SLC16A7: variants seen among roughly 807,000 people sequenced by gnomAD.
SLC16A7 encodes monocarboxylate transporter 2.
A neutral mutation model predicts 34.9 loss-of-function variants in SLC16A7; 33 were observed. That is an observed-to-expected ratio of 0.94 (90% confidence interval 0.72 to 1.26). The LOEUF (loss-of-function observed/expected upper bound fraction) is 1.26, where lower values mean the gene tolerates loss of function less well. Among genes scored for constraint, SLC16A7 ranks in the 50% most tolerant of loss-of-function variants. The pLI, the probability that SLC16A7 is intolerant of heterozygous loss-of-function variation, is 0.00. For synonymous variants in SLC16A7, 201 were observed against 206.6 expected (o/e 0.97, Z 0.23); for missense variants, 573 against 578.1 (o/e 0.99, Z 0.09).
chr12:59,610,726 C>T (rs1879155366), intron 1 of SLC16A7, among the ~76,000 whole-genome samples: 1 of 152,170 alleles, frequency 6.6e-6, no homozygotes, highest in African/African-American at 2.4e-5. Context: ...AAAGATAGTG[C>T]TGTAATGATG....
Position 59,596,732 on chromosome 12 carries a change from G to GGTGA in SLC16A7, c.-130+497_-130+498insTGAG, listed in dbSNP as rs138525198. Among the ~76,000 whole-genome samples the GGTGA allele has an allele frequency of 7.2e-3, 1,091 of 152,296 alleles. 22 individuals are homozygous for GGTGA. The highest frequency in any genetic ancestry group is 0.022 in the African/African-American group (929 of 41,562). ...TGCCGCAGAAGGTGGAGGCGGGGGT[G>GGTGA]GAGTGTGTGGAGAGAACGTCTTCTC... On this transcript the variant is annotated intron_variant, in intron 1 of 5. Transcript: ENST00000547379. This position sits in a 1 kb window ranked among gnomAD's most constrained non-coding sequence, Gnocchi z 5.0.
chr12:59,748,253 A>G (rs1592631631), intron 3 of SLC16A7, among the ~76,000 whole-genome samples: 1 of 152,150 alleles, frequency 6.6e-6, no homozygotes, highest in Non-Finnish European at 1.5e-5. Flanking sequence ...ATGCACAGGA[A>G]CCCTTACAGA....
chr12:59,723,845 C>T (rs1022049603), intron 3 of SLC16A7, among the ~76,000 whole-genome samples: 18 of 151,754 alleles, frequency 1.2e-4, no homozygotes, highest in African/African-American at 4.4e-4. Context: ...CTGTTGTTCC[C>T]GTTTATATTG....
chr12:59,665,401 T>C (rs948518501), intron 2 of SLC16A7, among the ~76,000 whole-genome samples: 4 of 152,056 alleles, frequency 2.6e-5, no homozygotes, highest in African/African-American at 7.2e-5. Context: ...TTTCCTATTC[T>C]AAATCATTAT....
rs114262035 is a variant in SLC16A7 at position 59,673,093 on chromosome 12, G to A, written c.-31+17843G>A. Among the ~76,000 whole-genome samples, 1,026 of 152,098 alleles carry A rather than the reference G, an allele frequency of 6.7e-3. 15 individuals are homozygous for A. The highest frequency in any genetic ancestry group is 0.021 in the African/African-American group (858 of 41,486). On this transcript the variant is annotated intron_variant, in intron 2 of 5. Transcript: ENST00000547379. The stretch of plus-strand genomic sequence containing the variant: ...TATAGGTTAATGTCTCATTTCCATC[G>A]CCTCTATAATAAAGTAACTTACAAG...
chr12:59,680,621 T>C (rs1434376845), intron 2 of SLC16A7, among the ~76,000 whole-genome samples: 1 of 152,190 alleles, frequency 6.6e-6, no homozygotes, highest in Admixed American at 6.5e-5. Context: ...TTTCTTTATA[T>C]AGAATGCAAT....
intron 5 of SLC16A7, among the ~76,000 whole-genome samples, chr12:59,775,720 C>T (rs1882694971): frequency 6.6e-6 from 1 of 152,064 alleles, no homozygotes; most frequent in Non-Finnish European, 1.5e-5. Context: ...TAATTAGTAA[C>T]ATAATCTTCA....
intron 1 of SLC16A7, among the ~76,000 whole-genome samples, chr12:59,646,959 G>A (rs574056430): frequency 3.3e-5 from 5 of 152,234 alleles, no homozygotes; most frequent in Admixed American, 3.3e-4. Context: ...CATTTGGAAT[G>A]GGTGTATATA....
intron 3 of SLC16A7, among the ~76,000 whole-genome samples, chr12:59,715,443 A>G (rs771948837): frequency 1.3e-5 from 2 of 152,238 alleles, no homozygotes; most frequent in Non-Finnish European, 2.9e-5. Context: ...TAGGAACACC[A>G]AACAGCACTT....
In SLC16A7 at chr12:59,781,316, C is replaced by T. The variant is rs1187197290; in HGVS notation, c.*1637C>T. 6.6e-6 allele frequency: 1 copy of T among 152,460 alleles called. No homozygotes were observed. The highest frequency in any genetic ancestry group is 1.5e-5 in the Non-Finnish European group (1 of 68,010). The allele number at this position is 152,460 out of a possible 1,614,324, so 9.4% of individuals were successfully genotyped here. A position where few individuals can be genotyped will look rare whatever the true frequency, so the allele number is the denominator to read the frequency against. On this transcript the variant is annotated 3_prime_UTR_variant, in exon 6 of 6. Coordinates refer to ENST00000547379, the MANE Select transcript of SLC16A7 (RefSeq NM_001270623.2). Reference sequence around the variant, plus strand: ...AATTTAAAAAGTATTTAGTGCTTGACAAAGTAGTGTCACTCTTAAGATGTC... The same window carrying T: ...AATTTAAAAAGTATTTAGTGCTTGATAAAGTAGTGTCACTCTTAAGATGTC...
chr12:59,686,234 G>A (rs2137083497), intron 2 of SLC16A7, among the ~76,000 whole-genome samples: 1 of 151,638 alleles, frequency 6.6e-6, no homozygotes, highest in South Asian at 2.1e-4. Context: ...TTAGAGCAGG[G>A]AAGAAATTTG....
chr12:59,727,373 G>T (rs570338541), intron 3 of SLC16A7, among the ~76,000 whole-genome samples: 1 of 151,956 alleles, frequency 6.6e-6, no homozygotes, highest in African/African-American at 2.4e-5. Context: ...CAAATTACTA[G>T]AAAATTATTT....
chr12:59,782,209 A>G lies in SLC16A7; in HGVS notation c.*2530A>G, dbSNP rs1406872952. The stretch of plus-strand genomic sequence containing the variant: ...CGTTAACTGCTATGCATAAATATTG[A>G]CAGTTAAACCAGAACACAATTGAAA... On this transcript the variant is annotated 3_prime_UTR_variant, in exon 6 of 6. Transcript: ENST00000547379. 6.6e-6 allele frequency: 1 copy of G among 152,210 alleles called. No individual in the cohort carries two copies. Among genetic ancestry groups the G allele is most frequent in the Non-Finnish European group, 1.5e-5 (1 of 68,030 alleles). The allele number at this position is 152,210 out of a possible 1,614,324, so 9.4% of individuals were successfully genotyped here.
chr12:59,767,066 G>C (rs1166937281), intron 3 of SLC16A7, among the ~76,000 whole-genome samples: 1 of 151,900 alleles, frequency 6.6e-6, no homozygotes, highest in Non-Finnish European at 1.5e-5. Flanking sequence ...TTGCGAGGGT[G>C]TATGTGTTGC....
At position 59,704,833 on chromosome 12, in the gene SLC16A7, A is replaced by G. The variant is rs759430629; in HGVS notation, c.32A>G (p.His11Arg). 2 of 1,613,758 alleles carry G rather than the reference A, an allele frequency of 1.2e-6. No homozygotes were observed. Among genetic ancestry groups the G allele is most frequent in the Non-Finnish European group, 1.7e-6 (2 of 1,179,768 alleles). The stretch of plus-strand genomic sequence containing the variant: ...CCAATGCCAAGTGCCCCACCTGTGC[A>G]TCCACCTCCAGATGGAGGATGGGGT... MPPMPSAPPVHPPPDGGWGWI... is the reference protein window; with the variant it reads MPPMPSAPPVRPPPDGGWGWI... The change falls in exon 3 of 6, where the codon CAT (histidine) becomes CGT (arginine). Residue 11 changes from histidine (H) to arginine (R), a missense_variant. Physicochemically the swap from His to Arg is conservative, Grantham distance 29. Transcript: ENST00000547379.
intron 2 of SLC16A7, among the ~76,000 whole-genome samples, chr12:59,677,833 G>T (rs1488454962): frequency 1.3e-5 from 2 of 152,212 alleles, no homozygotes; most frequent in Non-Finnish European, 2.9e-5. Flanking sequence ...AGGTCATGGT[G>T]CCATGGTGTC....
intron 1 of SLC16A7, among the ~76,000 whole-genome samples, chr12:59,653,368 T>C (rs1383319914): frequency 6.6e-6 from 1 of 151,662 alleles, no homozygotes; most frequent in African/African-American, 2.4e-5. Flanking sequence ...TTTTTAGGTA[T>C]GAGGTAAGAA....
In SLC16A7 at chr12:59,707,060, G is replaced by A. The variant is rs190898821; in HGVS notation, c.217+2042G>A. Among the ~76,000 whole-genome samples, 18 of 152,206 alleles carry A rather than the reference G, an allele frequency of 1.2e-4. 1 individual carries two copies. Among genetic ancestry groups the A allele is most frequent in the Admixed American group, 1.2e-3 (18 of 15,270 alleles). ...TCCATCACCCAAGGCTTTGTATGTT[G>A]TTCCCTAAATCTGCTCCATCTGTTG... On this transcript the variant is annotated intron_variant, in intron 3 of 5. Coordinates refer to ENST00000547379, the MANE Select transcript of SLC16A7 (RefSeq NM_001270623.2).
In SLC16A7 at chr12:59,780,853, G is replaced by C. The variant is rs1385485853; in HGVS notation, c.*1174G>C. 1.3e-5 allele frequency: 2 copies of C among 152,106 alleles called. No homozygotes were observed. The highest frequency in any genetic ancestry group is 2.9e-5 in the Non-Finnish European group (2 of 68,048). The allele number at this position is 152,106 out of a possible 1,614,324, so 9.4% of individuals were successfully genotyped here. ...GTTCCTTCCCTTCCACAAAATGCAA[G>C]AGCAAAAGCAAACTACAAACAGGCC... On this transcript the variant is annotated 3_prime_UTR_variant, in exon 6 of 6. Coordinates refer to ENST00000547379, the MANE Select transcript of SLC16A7 (RefSeq NM_001270623.2).
Sources: allele counts gnomAD v4.1 joint callset (sites outside exome capture counted in the v4.1 genomes callset), GRCh38; gene constraint gnomAD v4.1.1; non-coding constraint Gnocchi (gnomAD v3.1); transcripts MANE v1.5; gene names NCBI Gene and HGNC (gene_info 2026-07-23, HGNC 2026-07-21).